The following PRKD3 variants were observed in gnomAD, a reference collection of about 807,000 sequenced individuals.
PRKD3 encodes protein kinase D3, also known as serine/threonine-protein kinase D3.
Under a neutral mutation model 99.2 loss-of-function variants are expected in PRKD3, and 47 were observed. The ratio of observed to expected loss-of-function variants is 0.47; its 90% CI spans 0.38 to 0.60. The LOEUF (loss-of-function observed/expected upper bound fraction) is 0.60. Ranked by LOEUF, PRKD3 falls within the 20% of genes least tolerant of loss-of-function variation. The pLI is 0.00. For synonymous variants in PRKD3, 392 were observed against 355.4 expected (o/e 1.10, Z -1.16); for missense variants, 1,019 against 1,088.4 (o/e 0.94, Z 0.90).
At chr2:37,269,408 A>T (rs1354049556) in intron 13 of PRKD3, 18 of 560,098 alleles carry the variant, frequency 3.2e-5, no homozygotes, top group Non-Finnish European at 4.8e-5. Flanking sequence ...AAATTTTCTG[A>T]TTCTGTTAAT....
At chr2:37,263,011 TTTGGCTTTATTATTTC>T (rs1668586069) in intron 14 of PRKD3, among the ~76,000 whole-genome samples, 1 of 152,008 alleles carries the variant, frequency 6.6e-6, no homozygotes, top group African/African-American at 2.4e-5. Context: ...CAAACCAGCT[TTTGGCTTTATTATTTC>T]TTTTCTGTAT....
At position 37,251,135 on chromosome 2, in the gene PRKD3, T is replaced by C. The variant is rs574067334; in HGVS notation, c.*2042A>G. 6.5e-6 allele frequency: 1 copy of C among 152,742 alleles called. No individual in the cohort carries two copies. Among genetic ancestry groups the C allele is most frequent in the Non-Finnish European group, 1.5e-5 (1 of 68,024 alleles). The allele number at this position is 152,742 out of a possible 1,614,324, so 9.5% of individuals were successfully genotyped here. On this transcript the variant is annotated 3_prime_UTR_variant, in exon 19 of 19. Coordinates refer to ENST00000234179, the MANE Select transcript of PRKD3 (RefSeq NM_005813.6). ...AATTATTCCATTTTGTGTGTGTTGA[T>C]ATAAACAGACTTTGGTGAAACTGGG...
Position 37,279,736 on chromosome 2 carries a change from T to C in PRKD3, c.1172+10A>G, listed in dbSNP as rs1288331370. The C allele has an allele frequency of 1.2e-6, 2 of 1,605,100 alleles. No homozygotes were observed. The highest frequency in any genetic ancestry group is 1.7e-6 in the Non-Finnish European group (2 of 1,175,874). ...ATCTGGAAGTAGCTTGTAATATGTATATATATTACCTGATTGTTTTAACGG... is the reference window on the plus strand; with the variant it reads ...ATCTGGAAGTAGCTTGTAATATGTACATATATTACCTGATTGTTTTAACGG... On this transcript the variant is annotated intron_variant, in intron 8 of 18. Coordinates refer to ENST00000234179, the MANE Select transcript of PRKD3 (RefSeq NM_005813.6).
intron 14 of PRKD3, among the ~76,000 whole-genome samples, chr2:37,263,812 A>C (rs1457682557): frequency 6.6e-6 from 1 of 152,160 alleles, no homozygotes; most frequent in African/African-American, 2.4e-5. Context: ...GGAAATCTAC[A>C]TGATTTTATA....
At chr2:37,303,479 G>T (rs941680195) in intron 2 of PRKD3, among the ~76,000 whole-genome samples, 3 of 152,134 alleles carry the variant, frequency 2.0e-5, no homozygotes, top group African/African-American at 7.2e-5. Flanking sequence ...ATCTTCTGGG[G>T]CCTCTGGGGG....
intron 12 of PRKD3, among the ~76,000 whole-genome samples, chr2:37,271,667 T>C (rs1468008295): frequency 6.6e-6 from 1 of 152,226 alleles, no homozygotes; most frequent in Non-Finnish European, 1.5e-5. Flanking sequence ...CAAACCCTAC[T>C]GTGAACTGTG....
Position 37,279,612 on chromosome 2 carries a change from A to G in PRKD3, c.1172+134T>C, listed in dbSNP as rs1008801523. 1.6e-4 allele frequency: 92 copies of G among 562,008 alleles called. No individual in the cohort carries two copies. The African/African-American group carries it at 1.7e-3, about 11-fold the overall frequency. 34.8% of individuals were successfully genotyped at this position (562,008 alleles called of 1,614,324 possible). On this transcript the variant is annotated intron_variant, in intron 8 of 18. Coordinates refer to ENST00000234179, the MANE Select transcript of PRKD3 (RefSeq NM_005813.6). Reference sequence around the variant, plus strand: ...ATTTCAGAAATACTACATTGCATGTAAAAGAATTAGCCACAATTTATTTAG... The same window carrying G: ...ATTTCAGAAATACTACATTGCATGTGAAAGAATTAGCCACAATTTATTTAG...
Position 37,277,992 on chromosome 2 carries a change from A to G in PRKD3, c.1173-3T>C, listed in dbSNP as rs1418331918. 2 of 1,592,014 alleles carry G rather than the reference A, an allele frequency of 1.3e-6. No homozygotes were observed. The highest frequency in any genetic ancestry group is 1.7e-5 in the Admixed American group (1 of 57,820). ...GAATATTATTGCTTGTTGATGGACT[A>G]AAAAATATTTAAAATTTGTAAGTTT... On this transcript the variant is annotated splice_polypyrimidine_tract_variant and splice_region_variant and intron_variant, in intron 8 of 18. Coordinates refer to ENST00000234179, the MANE Select transcript of PRKD3 (RefSeq NM_005813.6).
chr2:37,272,471 A>G lies in PRKD3; in HGVS notation c.1652-39T>C, dbSNP rs143045800. On this transcript the variant is annotated intron_variant, in intron 11 of 18. Coordinates refer to ENST00000234179, the MANE Select transcript of PRKD3 (RefSeq NM_005813.6). ...AAAAGACAAAATTTAGTATATGACA[A>G]TATTATTAATCTTTACTGACATGTG... 1,029 of 1,571,132 alleles carry G rather than the reference A, an allele frequency of 6.5e-4. 14 individuals are homozygous for G. In the South Asian group the frequency reaches 0.011, roughly 17 times the overall value.
At chr2:37,290,435 T>C (rs947984639) in intron 4 of PRKD3, among the ~76,000 whole-genome samples, 3 of 152,186 alleles carry the variant, frequency 2.0e-5, no homozygotes, top group African/African-American at 4.8e-5. Context: ...GGTTTCGCCA[T>C]GTTGGCCAGG....
rs1667592313 is a variant in PRKD3 at position 37,252,719 on chromosome 2, C to CT, written c.*457_*458insA. ...TCACATAATGGTAACCTCACAGTTA[C>CT]CTCTTAAATACAAGCCTGTCGAGTA... On this transcript the variant is annotated 3_prime_UTR_variant, in exon 19 of 19. Coordinates refer to ENST00000234179, the MANE Select transcript of PRKD3 (RefSeq NM_005813.6). The CT allele has an allele frequency of 6.6e-6, 1 of 151,622 alleles. No individual in the cohort carries two copies. The highest frequency in any genetic ancestry group is 2.1e-4 in the South Asian group (1 of 4,814). 9.4% of individuals were successfully genotyped at this position (151,622 alleles called of 1,614,324 possible).
chr2:37,253,445 C>A, intron 18 of PRKD3, 95 bp from the exon 19 acceptor site: 1 of 1,050,156 alleles, frequency 9.5e-7, no homozygotes. Context: ...TTGTTTAGTG[C>A]CCTAGTCAAA....
intron 6 of PRKD3, 77 bp from the exon 7 acceptor site, chr2:37,282,696 C>T (rs1669907455): frequency 2.1e-6 from 2 of 964,890 alleles, no homozygotes; most frequent in South Asian, 2.7e-5. Context: ...TTCTTTAAAT[C>T]ACTCACAAAC....
intron 2 of PRKD3, among the ~76,000 whole-genome samples, chr2:37,308,870 T>C (rs1384155243): frequency 6.6e-6 from 1 of 152,144 alleles, no homozygotes; most frequent in South Asian, 2.1e-4. Context: ...CATGACTCCT[T>C]TGGCATACCT....
rs373814676 is a variant in PRKD3, at chr2:37,316,389, T to G, written c.136A>C (p.Ser46Arg). The G allele has an allele frequency of 6.2e-7, 1 of 1,614,090 alleles. No individual in the cohort carries two copies. The highest frequency in any genetic ancestry group is 8.5e-7 in the Non-Finnish European group (1 of 1,180,044). Residue 46 changes from serine to arginine, a missense_variant, in exon 2 of 19, where the codon AGT (serine) becomes CGT (arginine). Ser to Arg is a moderately radical substitution (Grantham distance 110, BLOSUM62 -1). This residue lies in a region of PRKD3 where 710 missense variants were observed against 692.7 expected (regional missense o/e 1.02). Transcript: ENST00000234179. ...CTGGAGTTGGTGAGTGATGGTGCAC[T>G]GAAGCTTCCATTAGAGAGTCGGGCA... ...LSARLSNGSF[S>R]APSLTNSRGS...
In PRKD3 at chr2:37,260,274, G is replaced by T; in HGVS notation, c.1995C>A (p.Ser665=). The part of the protein sequence containing the change: ...LHGDMLEMIL[S]SEKSRLPERI... ...GTTCTGGAAGCCGACTTTTCTCACT[G>T]GATAGAATCATTTCCAACATATCTC... Residue 665 remains serine (S), a synonymous_variant, in exon 15 of 19, where the codon TCC becomes TCA. Coordinates refer to ENST00000234179, the MANE Select transcript of PRKD3 (RefSeq NM_005813.6). 6.2e-7 allele frequency: 1 copy of T among 1,611,422 alleles called. No homozygotes were observed. Among genetic ancestry groups the T allele is most frequent in the Non-Finnish European group, 8.5e-7 (1 of 1,177,878 alleles).
rs115356437 is a variant in PRKD3 at position 37,289,932 on chromosome 2, T to C, written c.560-419A>G. Among the ~76,000 whole-genome samples the C allele has an allele frequency of 6.0e-3, 920 of 152,316 alleles. 7 individuals are homozygous for C. Among genetic ancestry groups the C allele is most frequent in the African/African-American group, 0.021 (886 of 41,562 alleles). The stretch of plus-strand genomic sequence containing the variant: ...TCTGTACCAAATTCCTCCTGTGACA[T>C]GAAAATTTTATGAAACTCAAATTTC... On this transcript the variant is annotated intron_variant, in intron 4 of 18. Transcript: ENST00000234179.
chr2:37,314,885 C>T (rs1438972896), intron 2 of PRKD3, among the ~76,000 whole-genome samples: 4 of 152,116 alleles, frequency 2.6e-5, no homozygotes, highest in African/African-American at 9.7e-5. Flanking sequence ...CAATGCTCTA[C>T]AGGTCTACAG....
chr2:37,307,446 C>T (rs889991692), intron 2 of PRKD3, among the ~76,000 whole-genome samples: 30 of 152,152 alleles, frequency 2.0e-4, no homozygotes, highest in Non-Finnish European at 3.4e-4. Context: ...AACTAAGGCA[C>T]CGGATATATG....
Sources: gnomAD v4.1 joint callset for allele counts (sites outside exome capture counted in the v4.1 genomes callset) on GRCh38, gnomAD v4.1.1 for gene constraint, gnomAD v4.1.1 regional missense constraint, MANE v1.5 for transcripts, NCBI Gene and HGNC (gene_info 2026-07-23, HGNC 2026-07-21) for gene names.